The following BAZ1A variants were observed in gnomAD, a reference collection of about 807,000 sequenced individuals.
BAZ1A encodes the protein bromodomain adjacent to zinc finger domain protein 1A.
In BAZ1A, 50 loss-of-function variants were observed where a neutral mutation model predicts 185.2. The ratio of observed to expected loss-of-function variants is 0.27; its 90% CI spans 0.22 to 0.34. BAZ1A has a LOEUF of 0.34. Ranked by LOEUF, BAZ1A falls within the 10% of genes least tolerant of loss-of-function variation. BAZ1A has a pLI of 1.00. For missense variants in BAZ1A, 1,356 were observed against 1,839.9 expected, an observed-to-expected ratio of 0.74 and a Z score of 4.81; for synonymous variants, 571 against 615.6, an observed-to-expected ratio of 0.93 and a Z score of 1.07.
At chr14:34,835,670 G>GTT (rs1162232902) in intron 3 of BAZ1A, among the ~76,000 whole-genome samples, 33 of 141,958 alleles carry the variant, frequency 2.3e-4, no homozygotes, top group Admixed American at 2.1e-4. Context: ...CATGGAAATA[G>GTT]TTTTTTTTTT....
chr14:34,824,188 T>C (rs1452220053), intron 4 of BAZ1A, among the ~76,000 whole-genome samples: 2 of 139,240 alleles, frequency 1.4e-5, no homozygotes, highest in Non-Finnish European at 3.1e-5. Flanking sequence ...AGCAAGACTG[T>C]GTCTCTACTT....
intron 3 of BAZ1A, among the ~76,000 whole-genome samples, chr14:34,857,409 T>C (rs2042701117): frequency 6.6e-6 from 1 of 152,144 alleles, no homozygotes; most frequent in Non-Finnish European, 1.5e-5. Flanking sequence ...GCTCAACTGA[T>C]CCTCCTGCCC....
At chr14:34,829,191 G>A (rs919310765) in intron 3 of BAZ1A, among the ~76,000 whole-genome samples, 3 of 150,350 alleles carry the variant, frequency 2.0e-5, no homozygotes, top group Admixed American at 6.7e-5. Context: ...GCTTGAACCC[G>A]GGAGGTGGAA....
chr14:34,824,376 T>A (rs1433836979), intron 4 of BAZ1A, among the ~76,000 whole-genome samples: 7 of 27,698 alleles, frequency 2.5e-4, no homozygotes, highest in African/African-American at 3.6e-4. Flanking sequence ...TCCATCTCTT[T>A]AAAAAAAAAA....
chr14:34,817,014 G>T (rs367813703), intron 4 of BAZ1A, among the ~76,000 whole-genome samples: 5 of 151,470 alleles, frequency 3.3e-5, no homozygotes. Context: ...AACATTAAGA[G>T]TAAAAAAAAA....
chr14:34,771,774 A>G, intron 20 of BAZ1A, 115 bp from the exon 21 acceptor site: 1 of 943,384 alleles, frequency 1.1e-6, no homozygotes, highest in Non-Finnish European at 1.5e-6. Context: ...CATTTCCTCA[A>G]TCTCAAGGAG....
intron 3 of BAZ1A, among the ~76,000 whole-genome samples, chr14:34,837,658 CA>C (rs1431837767): frequency 3.3e-5 from 5 of 152,134 alleles, no homozygotes; most frequent in African/African-American, 1.2e-4. Flanking sequence ...CTTTAGTATT[CA>C]AAAGTATCTT....
In BAZ1A at chr14:34,765,342, A is replaced by G. The variant is rs113263332; in HGVS notation, c.3302-74T>C. 858 of 1,535,484 alleles carry G rather than the reference A, an allele frequency of 5.6e-4. 5 individuals carry two copies. The African/African-American group carries it at 0.011, about 19-fold the overall frequency. On this transcript the variant is annotated intron_variant, in intron 21 of 26. Transcript: ENST00000360310. ...ATCTTCCTAGAAATAGTTTGTTGGT[A>G]GTTTAAATATAGGTTAGATTTTACA...
At chr14:34,851,486 C>T (rs2042595864) in intron 3 of BAZ1A, among the ~76,000 whole-genome samples, 1 of 151,874 alleles carries the variant, frequency 6.6e-6, no homozygotes, top group Admixed American at 6.6e-5. Flanking sequence ...ATGATGACTA[C>T]ACAATGAGTC....
intron 9 of BAZ1A, among the ~76,000 whole-genome samples, chr14:34,798,038 G>A (rs1020820024): frequency 1.3e-5 from 2 of 152,250 alleles, no homozygotes; most frequent in Admixed American, 6.5e-5. Context: ...CTGGCTCAGC[G>A]GGTCCCATGC....
chr14:34,846,584 C>T (rs1457354019), intron 3 of BAZ1A, among the ~76,000 whole-genome samples: 1 of 149,094 alleles, frequency 6.7e-6, no homozygotes, highest in African/African-American at 2.6e-5. Flanking sequence ...TGTTTAGAAA[C>T]AGAGTCATTT....
chr14:34,857,807 A>C (rs769554044), intron 3 of BAZ1A, among the ~76,000 whole-genome samples: 1 of 152,156 alleles, frequency 6.6e-6, no homozygotes, highest in Non-Finnish European at 1.5e-5. Flanking sequence ...CCCTCTGTCT[A>C]GAGAGTTCTT....
chr14:34,837,126 CTTA>C (rs2042342765), intron 3 of BAZ1A, among the ~76,000 whole-genome samples: 1 of 151,692 alleles, frequency 6.6e-6, no homozygotes, highest in Non-Finnish European at 1.5e-5. Flanking sequence ...ACTACAGAAC[CTTA>C]TTATTTCTCC....
At chr14:34,803,040 T>C (rs1197483513) in intron 6 of BAZ1A, 52 bp from the exon 7 acceptor site, 4 of 1,522,740 alleles carry the variant, frequency 2.6e-6, no homozygotes, top group Admixed American at 1.7e-5. Flanking sequence ...GTAAACAACA[T>C]ACAGATATGC....
chr14:34,771,824 G>A (rs1406151229), intron 20 of BAZ1A, among the ~76,000 whole-genome samples, 165 bp from the exon 21 acceptor site: 3 of 152,306 alleles, frequency 2.0e-5, no homozygotes, highest in Non-Finnish European at 2.9e-5. Flanking sequence ...CATTTAGAAG[G>A]ACTAAGGGTA....
chr14:34,755,652 C>T (rs1302521185), intron 25 of BAZ1A, among the ~76,000 whole-genome samples: 1 of 152,128 alleles, frequency 6.6e-6, no homozygotes, highest in Non-Finnish European at 1.5e-5. Context: ...GTCTACTCTA[C>T]TTCTGTAATA....
At chr14:34,826,240 C>T (rs1566582765) in intron 3 of BAZ1A, 84 bp from the exon 4 acceptor site, 1 of 1,435,950 alleles carries the variant, frequency 7.0e-7, no homozygotes, top group Non-Finnish European at 9.4e-7. Context: ...TTGTTTTGAA[C>T]TAGTTATTTT....
In BAZ1A at chr14:34,752,835, T is replaced by C. The variant is rs1253016559; in HGVS notation, c.*673A>G. The C allele has an allele frequency of 6.6e-6, 1 of 152,052 alleles. No individual in the cohort carries two copies. The highest frequency in any genetic ancestry group is 2.4e-5 in the African/African-American group (1 of 41,374). 9.4% of individuals were successfully genotyped at this position (152,052 alleles called of 1,614,324 possible). A position where few individuals can be genotyped will look rare whatever the true frequency, so the allele number is the denominator to read the frequency against. ...AAGAACTGTCAGGAAAAAGGGAGGG[T>C]GTTACTTTTTTTGATTGATCATTAA... is the stretch of plus-strand genomic sequence containing the variant. On this transcript the variant is annotated 3_prime_UTR_variant, in exon 27 of 27. Coordinates refer to ENST00000360310, the MANE Select transcript of BAZ1A (RefSeq NM_013448.3).
chr14:34,795,838 T>C (rs1444773794), intron 9 of BAZ1A, 73 bp from the exon 10 acceptor site: 7 of 1,153,214 alleles, frequency 6.1e-6, no homozygotes, highest in Non-Finnish European at 8.8e-6. Flanking sequence ...TCCTGAGAAC[T>C]TGTTAGAAAT....
Sources: gnomAD v4.1 joint callset for allele counts (sites outside exome capture counted in the v4.1 genomes callset) on GRCh38, gnomAD v4.1.1 for gene constraint, MANE v1.5 for transcripts, NCBI Gene and HGNC (gene_info 2026-07-23, HGNC 2026-07-21) for gene names.